The following JPH3 variants were observed in gnomAD, a reference collection of about 807,000 sequenced individuals.
JPH3 encodes junctophilin 3.
Under a neutral mutation model 59.6 loss-of-function variants are expected in JPH3, and 11 were observed. That is an observed-to-expected ratio of 0.18 (90% CI 0.12 to 0.31). The LOEUF (loss-of-function observed/expected upper bound fraction) is 0.31. Ranked by LOEUF, JPH3 falls within the 10% of genes least tolerant of loss-of-function variation. The pLI, the probability that JPH3 is intolerant of heterozygous loss-of-function variation, is 1.00. For synonymous variants in JPH3, 673 were observed against 483.6 expected (o/e 1.39, Z -5.14); for missense variants, 1,202 against 1,105.7 (o/e 1.09, Z -1.24).
chr16:87,616,641 C>G (rs1414841562), intron 1 of JPH3, among the ~76,000 whole-genome samples: 1 of 152,054 alleles, frequency 6.6e-6, no homozygotes, highest in East Asian at 1.9e-4. Context: ...TCCGGTGTCC[C>G]CCTCATGTGG....
Position 87,690,302 on chromosome 16 carries a change from C to A in JPH3, c.1942C>A (p.Arg648=), listed in dbSNP as rs368142343. 3.1e-6 allele frequency: 5 copies of A among 1,594,318 alleles called. No homozygotes were observed. The African/African-American group carries it at 6.7e-5, about 21-fold the overall frequency. The part of the protein sequence containing the change: ...GLGDDHRPED[R]GFGVQRLRSK... ...GGGGGACGACCACCGCCCCGAGGACCGGGGCTTCGGGGTGCAGAGACTGCG... is the reference window on the plus strand; with the variant it reads ...GGGGGACGACCACCGCCCCGAGGACAGGGGCTTCGGGGTGCAGAGACTGCG... The change falls in exon 4 of 5, where the codon CGG becomes AGG. Residue 648 remains arginine, a synonymous_variant. Coordinates refer to ENST00000284262, the MANE Select transcript of JPH3 (RefSeq NM_020655.4).
At chr16:87,643,161 C>T (rs114523615) in intron 1 of JPH3, among the ~76,000 whole-genome samples, 1 of 152,208 alleles carries the variant, frequency 6.6e-6, no homozygotes, top group Non-Finnish European at 1.5e-5. Context: ...TTGTGCCCAG[C>T]TCAGTTCACT....
chr16:87,648,746 T>C (rs920093348), intron 2 of JPH3, among the ~76,000 whole-genome samples: 1 of 152,188 alleles, frequency 6.6e-6, no homozygotes, highest in South Asian at 2.1e-4. Context: ...TCCTCGGCCA[T>C]GTGACATCAT....
At chr16:87,626,287 G>A (rs1167583969) in intron 1 of JPH3, among the ~76,000 whole-genome samples, 3 of 152,154 alleles carry the variant, frequency 2.0e-5, no homozygotes, top group African/African-American at 7.2e-5. Flanking sequence ...AACTACCCCA[G>A]GCCGCACAGT....
In JPH3 at chr16:87,696,784, A is replaced by G. The variant is rs371696905; in HGVS notation, c.*124A>G. The G allele has an allele frequency of 1.3e-4, 102 of 759,426 alleles. No individual in the cohort carries two copies. In the East Asian group the frequency reaches 2.5e-3, roughly 19 times the overall value. The allele number at this position is 759,426 out of a possible 1,614,324, so 47.0% of individuals were successfully genotyped here. A position where few individuals can be genotyped will look rare whatever the true frequency, so the allele number is the denominator to read the frequency against. ...CCCAGCGACTTCCAAGTCCTCTCAC[A>G]GAAGAACCACACGATTGGGTATCAC... On this transcript the variant is annotated 3_prime_UTR_variant, in exon 5 of 5. Transcript: ENST00000284262.
At chr16:87,694,754 A>C (rs1007434400) in intron 4 of JPH3, 1 of 165,826 alleles carries the variant, frequency 6.0e-6, no homozygotes, top group African/African-American at 2.4e-5. Flanking sequence ...CATCACCCCC[A>C]ATTCTATCTA....
At chr16:87,678,192 G>C (rs1356328307) in intron 2 of JPH3, among the ~76,000 whole-genome samples, 4 of 152,156 alleles carry the variant, frequency 2.6e-5, no homozygotes. Flanking sequence ...GGTGAGCAGT[G>C]ATTGTGCCAC....
intron 2 of JPH3, among the ~76,000 whole-genome samples, chr16:87,649,327 C>G (rs1473171731): frequency 2.0e-5 from 3 of 152,228 alleles, no homozygotes; most frequent in Admixed American, 6.5e-5. Context: ...TTCACACACT[C>G]AAGACGTTTT....
At chr16:87,625,494 C>T (rs1015436263) in intron 1 of JPH3, among the ~76,000 whole-genome samples, 23 of 152,198 alleles carry the variant, frequency 1.5e-4, no homozygotes, top group African/African-American at 5.5e-4. Context: ...TTGCCATTTT[C>T]GCAGAGGGGC....
intron 2 of JPH3, among the ~76,000 whole-genome samples, chr16:87,663,911 G>A (rs1300270528): frequency 6.6e-6 from 1 of 152,166 alleles, no homozygotes; most frequent in Non-Finnish European, 1.5e-5. Context: ...TTTTGACTGT[G>A]CGGTTTTGCA....
intron 1 of JPH3, chr16:87,604,345 G>A: frequency 6.9e-7 from 1 of 1,450,362 alleles, no homozygotes; most frequent in South Asian, 1.2e-5. Context: ...TGGTTTCTGT[G>A]CAGGGAACCT....
chr16:87,644,229 C>T (rs1301655747), intron 1 of JPH3, 29 bp from the exon 2 acceptor site: 4 of 1,577,780 alleles, frequency 2.5e-6, no homozygotes, highest in Non-Finnish European at 3.4e-6. Flanking sequence ...TGTCGCTGGG[C>T]ACTCACCCCT....
At chr16:87,659,615 C>T (rs978897338) in intron 2 of JPH3, among the ~76,000 whole-genome samples, 1 of 151,874 alleles carries the variant, frequency 6.6e-6, no homozygotes, top group East Asian at 1.9e-4. Flanking sequence ...TGCCTGTAAT[C>T]CCAGTTACTC....
intron 2 of JPH3, among the ~76,000 whole-genome samples, chr16:87,657,630 C>G (rs1412053237): frequency 6.6e-6 from 1 of 152,188 alleles, no homozygotes; most frequent in East Asian, 1.9e-4. Context: ...ACCAGTCACT[C>G]ATTGTGGAGA....
chr16:87,677,943 G>A lies in JPH3; in HGVS notation c.1161-6199G>A, dbSNP rs1363100810. ...TGGCCTGGGATTGAAAAGTCACGAA[G>A]GAACTGAACATTAAGACCCTGTATG... On this transcript the variant is annotated intron_variant, in intron 2 of 4. Transcript: ENST00000284262. Among the ~76,000 whole-genome samples the A allele has an allele frequency of 2.0e-5, 3 of 152,202 alleles. No homozygotes were observed. In the South Asian group the frequency reaches 6.2e-4, roughly 32 times the overall value.
intron 1 of JPH3, among the ~76,000 whole-genome samples, chr16:87,636,545 C>G (rs2031755733): frequency 1.3e-5 from 2 of 152,214 alleles, no homozygotes; most frequent in African/African-American, 4.8e-5. Flanking sequence ...GAAGCCCTGT[C>G]CCTCACTGCC....
At chr16:87,647,549 G>A (rs1227988047) in intron 2 of JPH3, among the ~76,000 whole-genome samples, 7 of 152,166 alleles carry the variant, frequency 4.6e-5, no homozygotes, top group South Asian at 2.1e-4. Context: ...GGCGGAGTCC[G>A]AGCTGACTCC....
intron 4 of JPH3, chr16:87,695,891 AGGG>A (rs1567621606): frequency 2.2e-6 from 1 of 455,964 alleles, no homozygotes; most frequent in Non-Finnish European, 4.4e-6. Flanking sequence ...GTGCGGCTGA[AGGG>A]GGAGTCTGGC....
intron 1 of JPH3, among the ~76,000 whole-genome samples, chr16:87,633,880 G>T (rs1458149826): frequency 6.7e-6 from 1 of 150,256 alleles, no homozygotes; most frequent in Non-Finnish European, 1.5e-5. Flanking sequence ...GGTAATTTCT[G>T]AAAAACCATA....
Sources: allele counts gnomAD v4.1 joint callset (sites outside exome capture counted in the v4.1 genomes callset), GRCh38; gene constraint gnomAD v4.1.1; transcripts MANE v1.5; gene names NCBI Gene and HGNC (gene_info 2026-07-23, HGNC 2026-07-21).